LIX1: variants seen among roughly 807,000 people sequenced by gnomAD.
The protein encoded by LIX1 is limb and CNS expressed 1, also known as protein limb expression 1 homolog.
In LIX1, 24 loss-of-function variants were observed where a neutral mutation model predicts 33.4. The observed-to-expected ratio is 0.72, with a 90% CI of 0.52 to 1.01. The LOEUF is 1.01. Among genes scored for constraint, LIX1 ranks in the 50% least tolerant of loss-of-function variants. The probability of loss-of-function intolerance (pLI) is 0.00; values close to 1 mark genes in which losing one functional copy is unlikely to be tolerated. For synonymous variants in LIX1, 124 were observed against 124.0 expected (o/e 1.00, Z 0.00); for missense variants, 311 against 339.2 (o/e 0.92, Z 0.65).
chr5:97,121,448 G>C (rs145238417), intron 2 of LIX1, among the ~76,000 whole-genome samples: 46 of 152,078 alleles, frequency 3.0e-4, no homozygotes, highest in Middle Eastern at 3.4e-3. Flanking sequence ...CATGTCTCCT[G>C]TACTGTCTTC....
intron 1 of LIX1, 46 bp downstream of exon 1, chr5:97,142,449 A>T (rs1481064146): frequency 1.5e-6 from 2 of 1,310,416 alleles, no homozygotes; most frequent in African/African-American, 2.9e-5. Context: ...GACGTTTAGG[A>T]CTATTTTCTA....
intron 1 of LIX1, among the ~76,000 whole-genome samples, chr5:97,141,518 A>C (rs942312866): frequency 6.6e-6 from 1 of 152,246 alleles, no homozygotes; most frequent in Admixed American, 6.5e-5. Flanking sequence ...TTCAACATAC[A>C]TATGAGAAAT....
At chr5:97,138,269 CAATT>C (rs1372988833) in intron 1 of LIX1, among the ~76,000 whole-genome samples, 1 of 152,186 alleles carries the variant, frequency 6.6e-6, no homozygotes, top group Non-Finnish European at 1.5e-5. Flanking sequence ...GCTACAGTGA[CAATT>C]AAGATACTTT....
chr5:97,134,845 T>C (rs931478213), intron 1 of LIX1, among the ~76,000 whole-genome samples: 3 of 152,202 alleles, frequency 2.0e-5, no homozygotes, highest in Admixed American at 2.0e-4. Flanking sequence ...CATGTAGGAA[T>C]CTCGGGGCCC....
chr5:97,111,265 T>C (rs1379138611), intron 2 of LIX1, among the ~76,000 whole-genome samples: 2 of 152,162 alleles, frequency 1.3e-5, no homozygotes, highest in African/African-American at 4.8e-5. Flanking sequence ...AACAAGTCAC[T>C]GAAGCACTAG....
chr5:97,095,809 T>C (rs150088865), intron 5 of LIX1, among the ~76,000 whole-genome samples: 210 of 152,306 alleles, frequency 1.4e-3, no homozygotes, highest in Admixed American at 0.012. Flanking sequence ...CAAGAACATA[T>C]GGTATGCATT....
At position 97,096,822 on chromosome 5, in the gene LIX1, C is replaced by T. The variant is rs757277816; in HGVS notation, c.549G>A (p.Lys183=). 1.2e-6 allele frequency: 2 copies of T among 1,613,362 alleles called. No homozygotes were observed. Among genetic ancestry groups the T allele is most frequent in the Non-Finnish European group, 1.7e-6 (2 of 1,179,306 alleles). ...TAGAAAATCTTACCTGTCGGGAACACTTTGTTTCACGAAGGGCTTTTAGGC... is the reference window on the plus strand; with the variant it reads ...TAGAAAATCTTACCTGTCGGGAACATTTTGTTTCACGAAGGGCTTTTAGGC... ...NGSLKALRET[K]CSRQEVISYY... The change falls in exon 5 of 6, where the codon AAG becomes AAA. Residue 183 remains lysine, a synonymous_variant. Coordinates refer to ENST00000274382, the MANE Select transcript of LIX1 (RefSeq NM_153234.5).
intron 1 of LIX1, among the ~76,000 whole-genome samples, chr5:97,141,558 G>C (rs1357267114): frequency 1.3e-5 from 2 of 152,120 alleles, no homozygotes; most frequent in African/African-American, 4.8e-5. Context: ...GGAATGGAAC[G>C]TTATTCAGCA....
chr5:97,134,953 C>G (rs890478049), intron 1 of LIX1, among the ~76,000 whole-genome samples: 1 of 152,194 alleles, frequency 6.6e-6, no homozygotes, highest in Non-Finnish European at 1.5e-5. Flanking sequence ...AGGGACTTTC[C>G]TTTGGTAACG....
intron 1 of LIX1, among the ~76,000 whole-genome samples, chr5:97,129,280 G>A (rs1748001577): frequency 6.6e-6 from 1 of 152,080 alleles, no homozygotes; most frequent in South Asian, 2.1e-4. Context: ...CCTTGCTAAA[G>A]AAAGTGCACG....
chr5:97,112,562 A>G (rs1185286154), intron 2 of LIX1, among the ~76,000 whole-genome samples: 1 of 152,214 alleles, frequency 6.6e-6, no homozygotes, highest in Non-Finnish European at 1.5e-5. Flanking sequence ...TTGTTAATAT[A>G]GAAGGACAAC....
chr5:97,140,888 A>G (rs757756114), intron 1 of LIX1, among the ~76,000 whole-genome samples: 7 of 152,206 alleles, frequency 4.6e-5, no homozygotes, highest in African/African-American at 1.7e-4. Context: ...TATAGGTTCT[A>G]TGTTAATGAA....
At chr5:97,129,499 A>G (rs1397010396) in intron 1 of LIX1, among the ~76,000 whole-genome samples, 1 of 151,924 alleles carries the variant, frequency 6.6e-6, no homozygotes, top group Admixed American at 6.6e-5. Flanking sequence ...GCATTTTCCC[A>G]TTTCATCCTT....
At chr5:97,128,659 G>A (rs1165014310) in intron 1 of LIX1, among the ~76,000 whole-genome samples, 1 of 151,394 alleles carries the variant, frequency 6.6e-6, no homozygotes, top group African/African-American at 2.4e-5. Flanking sequence ...TCTTTCTCCT[G>A]GGTTACAAAA....
At chr5:97,128,841 G>A (rs116276291) in intron 1 of LIX1, among the ~76,000 whole-genome samples, 32 of 152,014 alleles carry the variant, frequency 2.1e-4, no homozygotes, top group South Asian at 6.2e-4. Flanking sequence ...TACTGCATTC[G>A]TTCATGCTCA....
intron 4 of LIX1, chr5:97,102,964 GT>G (rs1369630400): frequency 9.5e-6 from 4 of 422,862 alleles, no homozygotes; most frequent in Non-Finnish European, 1.8e-5. Context: ...CTTTATAAAT[GT>G]TACACTACTT....
At chr5:97,105,388 C>A in intron 3 of LIX1, 103 bp from the exon 4 acceptor site, 1 of 853,856 alleles carries the variant, frequency 1.2e-6, no homozygotes, top group Non-Finnish European at 1.9e-6. Flanking sequence ...TATTTTTGGT[C>A]TAACCTGAAC....
intron 2 of LIX1, among the ~76,000 whole-genome samples, chr5:97,120,235 G>C (rs1020046643): frequency 1.3e-5 from 2 of 152,086 alleles, no homozygotes; most frequent in Non-Finnish European, 2.9e-5. Flanking sequence ...GCTGACTATT[G>C]GTTACATACA....
chr5:97,138,052 G>A (rs1406619497), intron 1 of LIX1, among the ~76,000 whole-genome samples: 3 of 152,130 alleles, frequency 2.0e-5, no homozygotes, highest in Non-Finnish European at 4.4e-5. Context: ...TCACCTATCT[G>A]ATATAAATAA....
Sources: allele counts gnomAD v4.1 joint callset (sites outside exome capture counted in the v4.1 genomes callset), GRCh38; gene constraint gnomAD v4.1.1; transcripts MANE v1.5; gene names NCBI Gene and HGNC (gene_info 2026-07-23, HGNC 2026-07-21).